Variants in TOX3 observed in about 807,000 individuals in gnomAD.
TOX3 encodes the protein TOX high mobility group box family member 3, also known as CAG trinucleotide repeat-containing gene F9 protein.
TOX3 carries 22 observed loss-of-function variants against 64.3 expected under a neutral mutation model. The observed-to-expected ratio is 0.34, with a 90% CI of 0.24 to 0.49. The LOEUF is 0.49. Ranked by LOEUF, TOX3 falls within the 20% of genes least tolerant of loss-of-function variation. The pLI is 0.99. For missense variants in TOX3, 661 were observed against 714.4 expected (o/e 0.93, Z 0.85); for synonymous variants, 291 against 273.6 (o/e 1.06, Z -0.63).
chr16:52,508,731 C>T (rs943890501), intron 1 of TOX3, among the ~76,000 whole-genome samples: 11 of 151,964 alleles, frequency 7.2e-5, no homozygotes, highest in East Asian at 1.9e-4. Context: ...AACTGAGAAG[C>T]GCACAGAGAG....
chr16:52,546,435 C>T (rs964998528), intron 1 of TOX3, among the ~76,000 whole-genome samples: 1 of 151,820 alleles, frequency 6.6e-6, no homozygotes, highest in African/African-American at 2.4e-5. Context: ...AGGAGAGCGC[C>T]GGCTGGGGGA....
At chr16:52,532,329 C>G (rs1307345508) in intron 1 of TOX3, among the ~76,000 whole-genome samples, 1 of 152,158 alleles carries the variant, frequency 6.6e-6, no homozygotes, top group Non-Finnish European at 1.5e-5. Flanking sequence ...GTAGAAGGAA[C>G]AGTGTGCCAT....
intron 1 of TOX3, among the ~76,000 whole-genome samples, chr16:52,496,367 A>G (rs1961850253): frequency 6.6e-6 from 1 of 152,230 alleles, no homozygotes; most frequent in Non-Finnish European, 1.5e-5. Context: ...AGCACACGCA[A>G]CATACTATAA....
chr16:52,493,670 T>A (rs186027900), intron 1 of TOX3, among the ~76,000 whole-genome samples: 2 of 152,246 alleles, frequency 1.3e-5, no homozygotes, highest in Admixed American at 1.3e-4. Flanking sequence ...CATCACAGAA[T>A]CATCTTAAAA....
chr16:52,525,500 T>C (rs924486372), intron 1 of TOX3, among the ~76,000 whole-genome samples: 1 of 152,170 alleles, frequency 6.6e-6, no homozygotes, highest in Non-Finnish European at 1.5e-5. Context: ...TAATTTCAAA[T>C]CCAGAGCAAT....
chr16:52,542,033 C>A (rs1400515453), intron 1 of TOX3, among the ~76,000 whole-genome samples: 1 of 152,192 alleles, frequency 6.6e-6, no homozygotes, highest in East Asian at 1.9e-4. Flanking sequence ...GGATCCATAT[C>A]AACTCAGATA....
At chr16:52,467,654 T>A (rs1960908212) in intron 2 of TOX3, among the ~76,000 whole-genome samples, 1 of 152,198 alleles carries the variant, frequency 6.6e-6, no homozygotes, top group Non-Finnish European at 1.5e-5. Context: ...TTCTGTTTGT[T>A]CTTGTTCTAA....
intron 1 of TOX3, among the ~76,000 whole-genome samples, chr16:52,487,290 C>A (rs1252591892): frequency 7.1e-6 from 1 of 140,408 alleles, no homozygotes; most frequent in Non-Finnish European, 1.5e-5. Flanking sequence ...ACCACCAGAG[C>A]AGCTGAGTCA....
At chr16:52,490,620 GA>G (rs1282098994) in intron 1 of TOX3, among the ~76,000 whole-genome samples, 2 of 87,906 alleles carry the variant, frequency 2.3e-5, no homozygotes, top group African/African-American at 5.2e-5. Context: ...TTCCTTCTAG[GA>G]TGTAATTTTT....
At chr16:52,450,982 G>A (rs1339933751) in intron 3 of TOX3, among the ~76,000 whole-genome samples, 1 of 152,226 alleles carries the variant, frequency 6.6e-6, no homozygotes. Context: ...TCATCCATTA[G>A]TTTACCATCC....
intron 1 of TOX3, among the ~76,000 whole-genome samples, chr16:52,470,600 C>A (rs1315812874): frequency 1.3e-5 from 2 of 152,110 alleles, no homozygotes; most frequent in African/African-American, 4.8e-5. Context: ...AGTTAGTATG[C>A]GAATGTAATT....
At chr16:52,524,226 A>T (rs1034066089) in intron 1 of TOX3, among the ~76,000 whole-genome samples, 1 of 152,206 alleles carries the variant, frequency 6.6e-6, no homozygotes, top group Non-Finnish European at 1.5e-5. Flanking sequence ...GAACTATGGC[A>T]TCAGAAAAAA....
At chr16:52,440,901 C>G (rs1959960343) in intron 6 of TOX3, among the ~76,000 whole-genome samples, 1 of 151,810 alleles carries the variant, frequency 6.6e-6, no homozygotes, top group African/African-American at 2.4e-5. Flanking sequence ...GCTGGCACTA[C>G]AGGTGCCCAC....
intron 1 of TOX3, among the ~76,000 whole-genome samples, chr16:52,522,599 T>G (rs757185743): frequency 2.0e-5 from 3 of 152,116 alleles, no homozygotes; most frequent in African/African-American, 4.8e-5. Context: ...CTCTAAGGCC[T>G]CTAAGTGTGT....
chr16:52,478,376 C>T (rs551347370), intron 1 of TOX3, among the ~76,000 whole-genome samples: 10 of 152,288 alleles, frequency 6.6e-5, no homozygotes, highest in Admixed American at 3.3e-4. Flanking sequence ...CCCTACTTTA[C>T]GCAGGTTTCT....
chr16:52,539,456 T>C (rs776290269), intron 1 of TOX3, among the ~76,000 whole-genome samples: 2 of 152,260 alleles, frequency 1.3e-5, no homozygotes, highest in Non-Finnish European at 2.9e-5. Context: ...GTTTATGTCA[T>C]TGTTTTTAAC....
chr16:52,475,978 A>C (rs1961196685), intron 1 of TOX3, among the ~76,000 whole-genome samples: 1 of 152,206 alleles, frequency 6.6e-6, no homozygotes, highest in Non-Finnish European at 1.5e-5. Context: ...ACTAATATGG[A>C]AATTCCTTTT....
intron 1 of TOX3, among the ~76,000 whole-genome samples, chr16:52,510,930 T>C (rs1483102272): frequency 2.0e-5 from 3 of 152,098 alleles, no homozygotes; most frequent in Non-Finnish European, 4.4e-5. Context: ...CACTATGCTC[T>C]ATCAAAGGAA....
intron 1 of TOX3, among the ~76,000 whole-genome samples, chr16:52,505,385 G>A (rs555759472): frequency 4.6e-5 from 7 of 152,238 alleles, no homozygotes; most frequent in East Asian, 1.9e-4. Flanking sequence ...TTTCTTCAGC[G>A]GGATTACTTG....
Sources: gnomAD v4.1 joint callset for allele counts (sites outside exome capture counted in the v4.1 genomes callset) on GRCh38, gnomAD v4.1.1 for gene constraint, MANE v1.5 for transcripts, NCBI Gene and HGNC (gene_info 2026-07-23, HGNC 2026-07-21) for gene names.